SLC22A16: variants seen among roughly 807,000 people sequenced by gnomAD.
The protein encoded by SLC22A16 is solute carrier family 22 member 16.
SLC22A16 carries 53 observed loss-of-function variants against 52.9 expected under a neutral mutation model. The observed-to-expected ratio is 1.00, with a 90% CI of 0.80 to 1.26. The LOEUF (loss-of-function observed/expected upper bound fraction) is 1.26. Ranked by LOEUF, SLC22A16 falls within the 50% of genes most tolerant of loss-of-function variation. The pLI, the probability that SLC22A16 is intolerant of heterozygous loss-of-function variation, is 0.00. For synonymous variants in SLC22A16, 291 were observed against 268.8 expected, an observed-to-expected ratio of 1.08 and a Z score of -0.81; for missense variants, 726 against 704.0, an observed-to-expected ratio of 1.03 and a Z score of -0.35.
intron 1 of SLC22A16, among the ~76,000 whole-genome samples, chr6:110,458,778 A>C (rs990906745): frequency 1.3e-5 from 2 of 152,214 alleles, no homozygotes; most frequent in African/African-American, 4.8e-5. Flanking sequence ...TATTCTCTGC[A>C]TGAGCTGGGA....
intron 1 of SLC22A16, among the ~76,000 whole-genome samples, chr6:110,458,604 A>G (rs1312457793): frequency 6.6e-6 from 1 of 152,248 alleles, no homozygotes; most frequent in Non-Finnish European, 1.5e-5. Context: ...AAGCCCAGAT[A>G]GCTGGCAAAA....
chr6:110,435,971 A>C lies in SLC22A16; in HGVS notation c.1312-10T>G, dbSNP rs1774712449. 1.3e-6 allele frequency: 2 copies of C among 1,561,956 alleles called. No individual in the cohort carries two copies. The highest frequency in any genetic ancestry group is 1.8e-6 in the Non-Finnish European group (2 of 1,133,966). On this transcript the variant is annotated splice_polypyrimidine_tract_variant and intron_variant, in intron 5 of 7. Transcript: ENST00000368919. ...CCAAAATATAATGTTTCTGAAAAAA[A>C]TTTAGCAGAATAGATCATCACAAGT...
intron 1 of SLC22A16, among the ~76,000 whole-genome samples, chr6:110,460,897 T>G (rs1334104039): frequency 6.6e-6 from 1 of 152,124 alleles, no homozygotes; most frequent in Non-Finnish European, 1.5e-5. Flanking sequence ...AAGTGCTCCT[T>G]GGGACAAAGG....
At chr6:110,454,671 ATATATTATATATTT>A (rs1473388726) in intron 2 of SLC22A16, among the ~76,000 whole-genome samples, 1,290 of 74,042 alleles carry the variant, frequency 0.017, 9 homozygotes, top group Non-Finnish European at 0.022. Context: ...ATATATTTAT[ATATATTATATATTT>A]TATATTATAT....
At chr6:110,474,123 G>C (rs1323067421) in intron 1 of SLC22A16, among the ~76,000 whole-genome samples, 2 of 152,176 alleles carry the variant, frequency 1.3e-5, no homozygotes, top group Non-Finnish European at 2.9e-5. Flanking sequence ...TGCTCCTTAT[G>C]AGAATCTAAT....
At chr6:110,443,846 G>A (rs1020776863) in intron 3 of SLC22A16, among the ~76,000 whole-genome samples, 6 of 152,208 alleles carry the variant, frequency 3.9e-5, no homozygotes, top group African/African-American at 1.4e-4. Context: ...ATTATGCTAA[G>A]GGAAATAAGC....
rs1480945783 is a variant in SLC22A16, at chr6:110,456,591, T to A, written c.480A>T (p.Leu160=). 1.1e-5 allele frequency: 18 copies of A among 1,614,010 alleles called. No homozygotes were observed. The highest frequency in any genetic ancestry group is 1.3e-5 in the Non-Finnish European group (15 of 1,180,012). ...RKWLAMLIQP[L]FMFGVLLGSV... ...ATCCCAGTAGGACTCCAAACATAAA[T>A]AGGGGCTGGATCAGCATTGCAAGCC... Residue 160 remains leucine (L), a synonymous_variant, in exon 2 of 8, where the codon CTA becomes CTT. Transcript: ENST00000368919.
intron 1 of SLC22A16, among the ~76,000 whole-genome samples, chr6:110,465,331 A>G (rs1346295102): frequency 6.6e-6 from 1 of 152,144 alleles, no homozygotes; most frequent in South Asian, 2.1e-4. Flanking sequence ...AAAGGTATCC[A>G]AACTGAAAAA....
Position 110,424,814 on chromosome 6 carries a change from T to C in SLC22A16, c.*59A>G. The stretch of plus-strand genomic sequence containing the variant: ...ATGGGAGATGAGAATAAGATTCCTC[T>C]AATACAAAGGCATTAGGGTAAATAA... On this transcript the variant is annotated 3_prime_UTR_variant, in exon 8 of 8. Transcript: ENST00000368919. 1 of 1,590,812 alleles carries C rather than the reference T, an allele frequency of 6.3e-7. No individual in the cohort carries two copies. The highest frequency in any genetic ancestry group is 8.6e-7 in the Non-Finnish European group (1 of 1,162,058).
At chr6:110,445,695 G>C (rs1449994262) in intron 3 of SLC22A16, among the ~76,000 whole-genome samples, 1 of 152,124 alleles carries the variant, frequency 6.6e-6, no homozygotes, top group Non-Finnish European at 1.5e-5. Context: ...GACTGAAACA[G>C]ATATTTTCAG....
chr6:110,469,844 C>T (rs1776201931), intron 1 of SLC22A16, among the ~76,000 whole-genome samples: 1 of 152,192 alleles, frequency 6.6e-6, no homozygotes, highest in Admixed American at 6.5e-5. Context: ...TAAAACTTGA[C>T]TTCCCTAAAA....
At chr6:110,437,887 G>T (rs1774794497) in intron 5 of SLC22A16, among the ~76,000 whole-genome samples, 1 of 152,126 alleles carries the variant, frequency 6.6e-6, no homozygotes, top group African/African-American at 2.4e-5. Context: ...TTAAAAACAA[G>T]CTCCTTGGGG....
At position 110,459,427 on chromosome 6, in the gene SLC22A16, C is replaced by A. The variant is rs557496772; in HGVS notation, c.54-2410G>T. ...GTTGTTGTCTTTCCAAAAACCATAA[C>A]CTTAGTTTAATAATTTAAAAAAAGA... On this transcript the variant is annotated intron_variant, in intron 1 of 7. Transcript: ENST00000368919. 2.6e-5 allele frequency among the ~76,000 whole-genome samples: 4 copies of A among 152,238 alleles called. No homozygotes were observed. The East Asian group carries it at 7.7e-4, about 29-fold the overall frequency.
At chr6:110,459,096 A>T (rs998491343) in intron 1 of SLC22A16, among the ~76,000 whole-genome samples, 9 of 152,156 alleles carry the variant, frequency 5.9e-5, no homozygotes, top group Non-Finnish European at 1.2e-4. Context: ...ATGAATGAAA[A>T]AATAAAAGAG....
intron 2 of SLC22A16, among the ~76,000 whole-genome samples, chr6:110,452,390 C>T (rs1276601885): frequency 1.3e-5 from 2 of 152,136 alleles, no homozygotes; most frequent in African/African-American, 4.8e-5. Context: ...CCTTTCCAAT[C>T]ATTATTCTTT....
chr6:110,432,711 G>C (rs1325061920), intron 6 of SLC22A16, among the ~76,000 whole-genome samples: 2 of 152,162 alleles, frequency 1.3e-5, no homozygotes, highest in African/African-American at 4.8e-5. Context: ...CATTCAACTA[G>C]TCTCCACCAT....
At chr6:110,429,343 G>A (rs77557027) in intron 7 of SLC22A16, among the ~76,000 whole-genome samples, 4 of 152,128 alleles carry the variant, frequency 2.6e-5, no homozygotes, top group Admixed American at 6.5e-5. Flanking sequence ...CGCCTGCTCC[G>A]GGGACATGGG....
intron 2 of SLC22A16, among the ~76,000 whole-genome samples, chr6:110,453,144 T>G (rs1046585699): frequency 1.1e-4 from 16 of 152,360 alleles, no homozygotes; most frequent in African/African-American, 3.6e-4. Context: ...CAATTTTATG[T>G]CAGTTTTAAT....
intron 2 of SLC22A16, among the ~76,000 whole-genome samples, chr6:110,448,712 G>T (rs1325464097): frequency 1.3e-5 from 2 of 152,124 alleles, no homozygotes; most frequent in Non-Finnish European, 2.9e-5. Flanking sequence ...TCTCTCTGTA[G>T]ATGAACAGCC....
Sources: allele counts gnomAD v4.1 joint callset (sites outside exome capture counted in the v4.1 genomes callset), GRCh38; gene constraint gnomAD v4.1.1; transcripts MANE v1.5; gene names NCBI Gene and HGNC (gene_info 2026-07-23, HGNC 2026-07-21).